CNTNAP2: variants seen among roughly 807,000 people sequenced by gnomAD.
The protein encoded by CNTNAP2 is contactin-associated protein-like 2.
A neutral mutation model predicts 155.2 loss-of-function variants in CNTNAP2; 98 were observed. The observed-to-expected ratio is 0.63, with a 90% CI of 0.54 to 0.75. CNTNAP2 has a LOEUF of 0.75. CNTNAP2 is among the 30% of genes least tolerant of loss of function. The pLI, the probability that CNTNAP2 is intolerant of heterozygous loss-of-function variation, is 0.00. For missense variants in CNTNAP2, 1,727 were observed against 1,688.1 expected (o/e 1.02, Z -0.40); for synonymous variants, 651 against 631.2 (o/e 1.03, Z -0.47).
At position 148,147,694 on chromosome 7, in the gene CNTNAP2, A is replaced by G; in HGVS notation, c.2758A>G (p.Ser920Gly). 7 of 1,613,696 alleles carry G rather than the reference A, an allele frequency of 4.3e-6. No individual in the cohort carries two copies. Among genetic ancestry groups the G allele is most frequent in the Non-Finnish European group, 5.9e-6 (7 of 1,179,992 alleles). Residue 920 changes from serine (S) to glycine (G), a missense_variant, in exon 17 of 24, where the codon AGC becomes GGC. Transcript: ENST00000361727. ...TEGHTRLELY[S>G]QLFVGGAGGQ... is the part of the protein sequence containing the mutation. ...AGGCCACACCCGCCTGGAGCTCTAC[A>G]GCCAGTTATTTGTGGGTAAGTAATG...
rs148039278 is a variant in CNTNAP2 at position 147,702,412 on chromosome 7, A to C, written c.2098+63106A>C. 7.0e-3 allele frequency among the ~76,000 whole-genome samples: 1,065 copies of C among 152,310 alleles called. 9 individuals carry two copies. The highest frequency in any genetic ancestry group is 0.024 in the African/African-American group (992 of 41,570). ...CTGTTTCCCAATCTGTTATGACAAC[A>C]AACCTATTTCTGGACCAAAAATCTT... is the stretch of plus-strand genomic sequence containing the variant. On this transcript the variant is annotated intron_variant, in intron 13 of 23. Coordinates refer to ENST00000361727, the MANE Select transcript of CNTNAP2 (RefSeq NM_014141.6).
chr7:147,925,155 G>GAGAAGA (rs1800365441), intron 14 of CNTNAP2, among the ~76,000 whole-genome samples: 1 of 20,246 alleles, frequency 4.9e-5, no homozygotes, highest in Non-Finnish European at 1.4e-4. Context: ...GAGAGAGAGA[G>GAGAAGA]AAGGAAGGAA....
intron 14 of CNTNAP2, among the ~76,000 whole-genome samples, chr7:147,932,917 T>A (rs1048504341): frequency 1.3e-5 from 2 of 152,116 alleles, no homozygotes; most frequent in African/African-American, 4.8e-5. Context: ...GAATAGACAT[T>A]TATCCAAAGA....
At chr7:147,307,065 C>T (rs570169330) in intron 9 of CNTNAP2, among the ~76,000 whole-genome samples, 37 of 152,166 alleles carry the variant, frequency 2.4e-4, no homozygotes, top group African/African-American at 6.7e-4. Flanking sequence ...GAATTTTGTA[C>T]GATGGGCATC....
At position 146,318,378 on chromosome 7, in the gene CNTNAP2, C is replaced by T. The variant is rs112881243; in HGVS notation, c.97+201405C>T. Among the ~76,000 whole-genome samples the T allele has an allele frequency of 5.0e-3, 757 of 151,872 alleles. 2 individuals carry two copies. The highest frequency in any genetic ancestry group is 8.6e-3 in the Non-Finnish European group (585 of 67,950). On this transcript the variant is annotated intron_variant, in intron 1 of 23. Coordinates refer to ENST00000361727, the MANE Select transcript of CNTNAP2 (RefSeq NM_014141.6). Reference sequence around the variant, plus strand: ...ATTGTAGATGATCTGATTTTCATACCGATAAACATGCCATGTTACTTCATT... The same window carrying T: ...ATTGTAGATGATCTGATTTTCATACTGATAAACATGCCATGTTACTTCATT...
At chr7:147,851,544 T>C (rs1798940379) in intron 13 of CNTNAP2, among the ~76,000 whole-genome samples, 1 of 152,054 alleles carries the variant, frequency 6.6e-6, no homozygotes. Context: ...AATGATAGAC[T>C]GGATTAAGAA....
chr7:146,818,246 T>A (rs910230077), intron 2 of CNTNAP2, among the ~76,000 whole-genome samples: 3 of 152,160 alleles, frequency 2.0e-5, no homozygotes, highest in Admixed American at 6.5e-5. Flanking sequence ...CAAATTCAAA[T>A]AATATCAAGA....
rs532820418 is a variant in CNTNAP2, at chr7:146,760,409, C to CTTTTTTTTTT, written c.98-13838_98-13829dup. Among the ~76,000 whole-genome samples the CTTTTTTTTTT allele has an allele frequency of 1.9e-3, 105 of 56,296 alleles. 14 individuals carry two copies. The highest frequency in any genetic ancestry group is 7.1e-3 in the African/African-American group (84 of 11,802). 36.9% of individuals were successfully genotyped at this position (56,296 alleles called of 152,430 possible). ...CACCTCTGTATCATCTCCAATTTAC[C>CTTTTTTTTTT]TTTTTTTTTTTTTTTTTTTTTTTTT... On this transcript the variant is annotated intron_variant, in intron 1 of 23. Transcript: ENST00000361727.
At chr7:147,979,645 C>T (rs991310381) in intron 15 of CNTNAP2, among the ~76,000 whole-genome samples, 2 of 151,816 alleles carry the variant, frequency 1.3e-5, no homozygotes, top group African/African-American at 4.8e-5. Context: ...TTTTTTGAGA[C>T]GGAGTCTTGC....
intron 14 of CNTNAP2, among the ~76,000 whole-genome samples, chr7:147,955,505 T>C (rs527563604): frequency 6.6e-6 from 1 of 152,316 alleles, no homozygotes; most frequent in East Asian, 1.9e-4. Flanking sequence ...AATATTATTA[T>C]GAAAATTATT....
intron 21 of CNTNAP2, among the ~76,000 whole-genome samples, chr7:148,285,735 T>C (rs73464155): frequency 0.13 from 20,522 of 152,260 alleles, 1,676 homozygotes; most frequent in African/African-American, 0.23. Context: ...CTTTCTGTGC[T>C]TGTTGGTTTA....
At chr7:147,072,475 A>G (rs1315890000) in intron 4 of CNTNAP2, among the ~76,000 whole-genome samples, 1 of 124,300 alleles carries the variant, frequency 8.0e-6, no homozygotes, top group East Asian at 1.9e-4. Flanking sequence ...TGTAGAGGAC[A>G]GGTCTGAAGG....
chr7:147,762,969 A>G (rs1797328629), intron 13 of CNTNAP2, among the ~76,000 whole-genome samples: 1 of 152,146 alleles, frequency 6.6e-6, no homozygotes, highest in African/African-American at 2.4e-5. Context: ...AATCAAGAGT[A>G]AAGATCCGGC....
At chr7:147,512,571 A>G (rs775962953) in intron 11 of CNTNAP2, among the ~76,000 whole-genome samples, 1 of 152,156 alleles carries the variant, frequency 6.6e-6, no homozygotes, top group Non-Finnish European at 1.5e-5. Context: ...TTGCAAAGAG[A>G]TTTTTAAAAA....
rs540139303 is a variant in CNTNAP2, at chr7:147,612,482, C to G, written c.1898-26624C>G. Among the ~76,000 whole-genome samples, 5 of 150,800 alleles carry G rather than the reference C, an allele frequency of 3.3e-5. No individual in the cohort carries two copies. The East Asian group carries it at 7.8e-4, about 23-fold the overall frequency. ...GTGGCCTGATCTCGGCTCACCACAA[C>G]CTCTGCCTCCCAGGTCCAAGCGATT... On this transcript the variant is annotated intron_variant, in intron 12 of 23. Coordinates refer to ENST00000361727, the MANE Select transcript of CNTNAP2 (RefSeq NM_014141.6).
intron 11 of CNTNAP2, among the ~76,000 whole-genome samples, chr7:147,541,693 A>G (rs1478521287): frequency 5.3e-5 from 8 of 152,178 alleles, no homozygotes; most frequent in Non-Finnish European, 1.0e-4. Flanking sequence ...TACACTCAAT[A>G]TATTTCTATT....
intron 9 of CNTNAP2, among the ~76,000 whole-genome samples, chr7:147,374,900 G>A (rs1349730508): frequency 6.6e-6 from 1 of 151,884 alleles, no homozygotes; most frequent in Non-Finnish European, 1.5e-5. Flanking sequence ...ATATGATTTG[G>A]CTCTGTGTCC....
At chr7:146,784,207 A>G (rs1022916811) in intron 2 of CNTNAP2, among the ~76,000 whole-genome samples, 3 of 152,134 alleles carry the variant, frequency 2.0e-5, no homozygotes, top group African/African-American at 7.2e-5. Context: ...ACCAAATTCT[A>G]TATATCTTAA....
chr7:146,954,721 T>A (rs548595608), intron 3 of CNTNAP2, among the ~76,000 whole-genome samples: 1 of 151,922 alleles, frequency 6.6e-6, no homozygotes, highest in African/African-American at 2.4e-5. Flanking sequence ...AAGAAAAAAA[T>A]TTCTCTATTT....
Sources: allele counts gnomAD v4.1 joint callset (sites outside exome capture counted in the v4.1 genomes callset), GRCh38; gene constraint gnomAD v4.1.1; transcripts MANE v1.5; gene names NCBI Gene and HGNC (gene_info 2026-07-23, HGNC 2026-07-21).